CACNA1I: variants seen among roughly 807,000 people sequenced by gnomAD.
The protein encoded by CACNA1I is voltage-dependent T-type calcium channel subunit alpha-1I.
In CACNA1I, 74 loss-of-function variants were observed where a neutral mutation model predicts 201.6. The observed-to-expected ratio is 0.37, with a 90% CI of 0.30 to 0.45. The LOEUF (loss-of-function observed/expected upper bound fraction) is 0.45. Among genes scored for constraint, CACNA1I ranks in the 20% least tolerant of loss-of-function variants. The probability of loss-of-function intolerance (pLI) is 1.00; values close to 1 mark genes in which losing one functional copy is unlikely to be tolerated. For missense variants in CACNA1I, 2,346 were observed against 3,138.1 expected (o/e 0.75, Z 6.03); for synonymous variants, 1,431 against 1,345.2 (o/e 1.06, Z -1.40).
intron 5 of CACNA1I, among the ~76,000 whole-genome samples, chr22:39,638,849 C>G (rs560507295): frequency 1.3e-5 from 2 of 152,278 alleles, no homozygotes; most frequent in South Asian, 4.1e-4. Context: ...GATCATCAGG[C>G]AATAGATTCT....
At position 39,679,150 on chromosome 22, in the gene CACNA1I, G is replaced by T; in HGVS notation, c.5099G>T (p.Ser1700Ile). Residue 1700 changes from serine to isoleucine, a missense_variant, in exon 32 of 37, where the codon AGC becomes ATC. Ser to Ile is a moderately radical substitution (Grantham distance 142, BLOSUM62 -2). Transcript: ENST00000402142. Reference sequence around the variant, plus strand: ...ACCCACGACGAGCGCAGCTGCCTGAGCAGCCTGCAGTTTGTGTCGCCGCTG... The same window carrying T: ...ACCCACGACGAGCGCAGCTGCCTGATCAGCCTGCAGTTTGTGTCGCCGCTG... Reference protein sequence around the residue: ...DCTHDERSCLSSLQFVSPLYF... With the variant: ...DCTHDERSCLISLQFVSPLYF... The T allele has an allele frequency of 6.3e-7, 1 of 1,594,026 alleles. No homozygotes were observed. Among genetic ancestry groups the T allele is most frequent in the Non-Finnish European group, 8.5e-7 (1 of 1,171,504 alleles).
Position 39,646,732 on chromosome 22 carries a change from T to C in CACNA1I, c.1313T>C (p.Ile438Thr), listed in dbSNP as rs201769752. Residue 438 changes from isoleucine (I) to threonine (T), a missense_variant, in exon 8 of 37, where the codon ATC becomes ACC. By Grantham distance (89) the Ile-to-Thr change is moderately conservative (BLOSUM62 -1). Transcript: ENST00000402142. Reference protein sequence around the residue: ...YAEPGDCYEEIFQYVCHILRK... With the variant: ...YAEPGDCYEETFQYVCHILRK... ...GAGCCTGGCGACTGCTACGAGGAGA[T>C]CTTCCAGTATGTCTGCCACATCCTG... 1,035 of 1,598,196 alleles carry C rather than the reference T, an allele frequency of 6.5e-4. No homozygotes were observed. The highest frequency in any genetic ancestry group is 8.4e-4 in the Non-Finnish European group (990 of 1,172,782).
intron 1 of CACNA1I, among the ~76,000 whole-genome samples, chr22:39,585,726 AG>A (rs1569048157): frequency 4.4e-5 from 3 of 68,368 alleles, no homozygotes; most frequent in Admixed American, 1.6e-4. Context: ...AAACTTTTAA[AG>A]TTTTTTTTTT....
At chr22:39,602,364 C>T (rs747565738) in intron 3 of CACNA1I, among the ~76,000 whole-genome samples, 1 of 151,742 alleles carries the variant, frequency 6.6e-6, no homozygotes, top group African/African-American at 2.4e-5. Context: ...TGTGAGCCAC[C>T]GCACCTGGCC....
At chr22:39,624,847 G>A (rs553339034) in intron 4 of CACNA1I, among the ~76,000 whole-genome samples, 84 of 151,502 alleles carry the variant, frequency 5.5e-4, no homozygotes, top group African/African-American at 1.9e-3. Context: ...TTTAAAATAT[G>A]ATTTTCCTGC....
rs1013949741 is a variant in CACNA1I at position 39,685,826 on chromosome 22, GCTCGAGGACAGCCTGACC to G, written c.6096_6113del (p.Glu2033_Leu2038del). Reference sequence around the variant, plus strand: ...GCTCCGCGGGCAGCCTGCAGACCACGCTCGAGGACAGCCTGACCCTGAGCGACAGCCCCCGGCGTGCCC... The same window carrying G: ...GCTCCGCGGGCAGCCTGCAGACCACGCTGAGCGACAGCCCCCGGCGTGCCC... On this transcript the variant is annotated inframe_deletion, in exon 37 of 37. Transcript: ENST00000402142. The surrounding 1 kb of genome is among the most constrained non-coding windows in gnomAD (Gnocchi z 5.0). The G allele has an allele frequency of 6.7e-7, 1 of 1,496,138 alleles. No individual in the cohort carries two copies. Among genetic ancestry groups the G allele is most frequent in the African/African-American group, 1.5e-5 (1 of 68,668 alleles). The allele number at this position is 1,496,138 out of a possible 1,614,324, so 92.7% of individuals were successfully genotyped here.
Position 39,646,834 on chromosome 22 carries a change from C to T in CACNA1I, c.1415C>T (p.Pro472Leu), listed in dbSNP as rs1429861373. The stretch of plus-strand genomic sequence containing the variant: ...CGCCAGGCCCTGGGCCCGGAGGCCC[C>T]GGCCCCCGCCAAACCTGGGCCCCAC... ...SRRQALGPEAPAPAKPGPHAK... is the reference protein window; with the variant it reads ...SRRQALGPEALAPAKPGPHAK... The change falls in exon 8 of 37, where the codon CCG (proline) becomes CTG (leucine). Residue 472 changes from proline to leucine, a missense_variant. Physicochemically the swap from Pro to Leu is moderately conservative, Grantham distance 98 (BLOSUM62 -3). Transcript: ENST00000402142. The T allele has an allele frequency of 8.5e-6, 13 of 1,534,816 alleles. No homozygotes were observed. Among genetic ancestry groups the T allele is most frequent in the South Asian group, 3.6e-5 (3 of 82,462 alleles).
Position 39,665,955 on chromosome 22 carries a change from C to T in CACNA1I, c.4053C>T (p.Ala1351=), listed in dbSNP as rs1286775547. 14 of 1,613,676 alleles carry T rather than the reference C, an allele frequency of 8.7e-6. No individual in the cohort carries two copies. In the South Asian group the frequency reaches 8.8e-5, roughly 10 times the overall value. Reference sequence around the variant, plus strand: ...TCACCAACCGCTCGGACTGCATGGCCGCCAACTACCGCTGGGTCCATCACA... The same window carrying T: ...TCACCAACCGCTCGGACTGCATGGCTGCCAACTACCGCTGGGTCCATCACA... ...RNITNRSDCM[A]ANYRWVHHKY... Residue 1351 remains alanine, a synonymous_variant, in exon 23 of 37, where the codon GCC becomes GCT. Coordinates refer to ENST00000402142, the MANE Select transcript of CACNA1I (RefSeq NM_021096.4). This position sits in a 1 kb window ranked among gnomAD's most constrained non-coding sequence, Gnocchi z 5.5.
In CACNA1I at chr22:39,660,447, C is replaced by T; in HGVS notation, c.2698+10C>T. 1.2e-6 allele frequency: 2 copies of T among 1,600,452 alleles called. No homozygotes were observed. The highest frequency in any genetic ancestry group is 2.2e-5 in the South Asian group (2 of 89,370). On this transcript the variant is annotated intron_variant, in intron 15 of 36. Transcript: ENST00000402142. Reference sequence around the variant, plus strand: ...CTGGACAGCAGCGGAGGTAAACAGGCCCTCGCTTGTCACCTAGAGAGCCCA... The same window carrying T: ...CTGGACAGCAGCGGAGGTAAACAGGTCCTCGCTTGTCACCTAGAGAGCCCA...
chr22:39,622,797 C>T (rs1211268074), intron 4 of CACNA1I, among the ~76,000 whole-genome samples: 4 of 151,862 alleles, frequency 2.6e-5, no homozygotes, highest in East Asian at 3.9e-4. Context: ...GGAGGGACCT[C>T]AGCTCTCAGG....
intron 1 of CACNA1I, chr22:39,571,208 T>C (rs1168926222): frequency 1.7e-6 from 1 of 586,340 alleles, no homozygotes; most frequent in African/African-American, 1.9e-5. Context: ...TTCTGGAAGT[T>C]GCTGGTGGCT....
chr22:39,583,071 TCCATCC>T (rs1932619496), intron 1 of CACNA1I, among the ~76,000 whole-genome samples: 2 of 146,924 alleles, frequency 1.4e-5, no homozygotes, highest in African/African-American at 5.1e-5. Flanking sequence ...CATCCATCCA[TCCATCC>T]ATCCAACAAT....
chr22:39,575,571 C>T (rs1183019962), intron 1 of CACNA1I, among the ~76,000 whole-genome samples: 2 of 152,120 alleles, frequency 1.3e-5, no homozygotes, highest in Non-Finnish European at 2.9e-5. Flanking sequence ...TTCCAAGGAA[C>T]ATCAGACCCA....
intron 4 of CACNA1I, among the ~76,000 whole-genome samples, chr22:39,633,500 G>T (rs1484465870): frequency 6.6e-6 from 1 of 152,228 alleles, no homozygotes; most frequent in Non-Finnish European, 1.5e-5. Flanking sequence ...CTGGGATGAT[G>T]TAAGAGTCTG....
Position 39,684,519 on chromosome 22 carries a change from C to A in CACNA1I, c.6027+21C>A. On this transcript the variant is annotated intron_variant, in intron 36 of 36. Coordinates refer to ENST00000402142, the MANE Select transcript of CACNA1I (RefSeq NM_021096.4). This position sits in a 1 kb window ranked among gnomAD's most constrained non-coding sequence, Gnocchi z 4.6. ...GGCAGGTACCGACACCTCCCAGGCC[C>A]TAGAGCACTGGTCTGTGGGCAAGGG... 1 of 1,606,608 alleles carries A rather than the reference C, an allele frequency of 6.2e-7. No homozygotes were observed. Among genetic ancestry groups the A allele is most frequent in the African/African-American group, 1.3e-5 (1 of 74,914 alleles).
rs1935860791 is a variant in CACNA1I at position 39,686,079 on chromosome 22, G to A, written c.6346G>A (p.Gly2116Ser). Residue 2116 changes from glycine to serine, a missense_variant, in exon 37 of 37, where the codon GGC (glycine) becomes AGC (serine). By Grantham distance (56) the Gly-to-Ser change is moderately conservative. This residue lies in a region of CACNA1I where 441 missense variants were observed against 555.6 expected (regional missense o/e 0.79). Transcript: ENST00000402142. ...SDEEGRGGAG[G>S]GGAGSEHSET... ...CGAGGAGGGCCGCGGTGGCGCGGGC[G>A]GCGGGGGCGCGGGCAGCGAGCACTC... is the stretch of plus-strand genomic sequence containing the variant. 2.4e-6 allele frequency: 3 copies of A among 1,235,714 alleles called. No homozygotes were observed. The highest frequency in any genetic ancestry group is 3.7e-5 in the South Asian group (1 of 27,286). 76.5% of individuals were successfully genotyped at this position (1,235,714 alleles called of 1,614,324 possible).
intron 1 of CACNA1I, among the ~76,000 whole-genome samples, chr22:39,592,709 G>A (rs1932836737): frequency 6.6e-6 from 1 of 152,178 alleles, no homozygotes; most frequent in Admixed American, 6.5e-5. Context: ...GCTCCCCCTT[G>A]GGTCTCCAGC....
rs1935532774 is a variant in CACNA1I, at chr22:39,677,074, G to A, written c.4855-267G>A. Among the ~76,000 whole-genome samples, 1 of 152,246 alleles carries A rather than the reference G, an allele frequency of 6.6e-6. No homozygotes were observed. Among genetic ancestry groups the A allele is most frequent in the Admixed American group, 6.5e-5 (1 of 15,284 alleles). On this transcript the variant is annotated intron_variant, in intron 29 of 36. Coordinates refer to ENST00000402142, the MANE Select transcript of CACNA1I (RefSeq NM_021096.4). This position sits in a 1 kb window ranked among gnomAD's most constrained non-coding sequence, Gnocchi z 4.8. ...GTGGATTATTGTGAGGAGGAAGTGA[G>A]CTCATGAACCTTAAGTGCTGGAAAT... is the stretch of plus-strand genomic sequence containing the variant.
intron 3 of CACNA1I, among the ~76,000 whole-genome samples, chr22:39,616,651 C>A (rs1933544704): frequency 6.6e-6 from 1 of 151,760 alleles, no homozygotes; most frequent in African/African-American, 2.4e-5. Context: ...GTAATCCCAG[C>A]TACTCAGGAG....
Sources: allele counts gnomAD v4.1 joint callset (sites outside exome capture counted in the v4.1 genomes callset), GRCh38; gene constraint gnomAD v4.1.1; regional missense constraint gnomAD v4.1.1; non-coding constraint Gnocchi (gnomAD v3.1); transcripts MANE v1.5; gene names NCBI Gene and HGNC (gene_info 2026-07-23, HGNC 2026-07-21).